ZNF268: variants seen among roughly 807,000 people sequenced by gnomAD.
ZNF268 encodes the protein zinc finger protein 268, also known as zinc finger protein 3.
A neutral mutation model predicts 29.3 loss-of-function variants in ZNF268; 20 were observed. The ratio of observed to expected loss-of-function variants is 0.68; its 90% CI spans 0.48 to 0.99. The LOEUF (loss-of-function observed/expected upper bound fraction) is 0.99. Among genes scored for constraint, ZNF268 ranks in the 50% least tolerant of loss-of-function variants. The pLI is 0.00. For missense variants in ZNF268, 1,240 were observed against 1,121.6 expected, an observed-to-expected ratio of 1.11 and a Z score of -1.51; for synonymous variants, 429 against 376.9, an observed-to-expected ratio of 1.14 and a Z score of -1.60.
chr12:133,194,956 G>C (rs1956560093), intron 5 of ZNF268, among the ~76,000 whole-genome samples: 1 of 66,272 alleles, frequency 1.5e-5, no homozygotes, highest in Admixed American at 1.3e-4. Flanking sequence ...CCCATTCAGA[G>C]TGGGGAGTAG....
rs1209804593 is a variant in ZNF268 at position 133,202,075 on chromosome 12, C to T, written c.458-69C>T. ...AACATGTGACTAATTGTTCTTATTTCATAGGCAACTTTCTAGTATACCGCA... is the reference window on the plus strand; with the variant it reads ...AACATGTGACTAATTGTTCTTATTTTATAGGCAACTTTCTAGTATACCGCA... On this transcript the variant is annotated intron_variant, in intron 5 of 5. Transcript: ENST00000536435. The T allele has an allele frequency of 1.0e-5, 13 of 1,300,786 alleles. No homozygotes were observed. In the Admixed American group the frequency reaches 3.3e-4, roughly 33 times the overall value. 80.6% of individuals were successfully genotyped at this position (1,300,786 alleles called of 1,614,324 possible). A position where few individuals can be genotyped will look rare whatever the true frequency, so the allele number is the denominator to read the frequency against.
rs927077382 is a variant in ZNF268 at position 133,213,481 on chromosome 12, C to G, written c.*8951C>G. ...GGAGGATCACTTGAGGTCAGGAGTGCGAGACCAGCCTGGTTAACTTGGTGA... is the reference window on the plus strand; with the variant it reads ...GGAGGATCACTTGAGGTCAGGAGTGGGAGACCAGCCTGGTTAACTTGGTGA... On this transcript the variant is annotated 3_prime_UTR_variant, in exon 6 of 6. Transcript: ENST00000536435. 2 of 142,286 alleles carry G rather than the reference C, an allele frequency of 1.4e-5. No homozygotes were observed. Among genetic ancestry groups the G allele is most frequent in the Non-Finnish European group, 3.0e-5 (2 of 65,904 alleles). The allele number at this position is 142,286 out of a possible 1,614,324, so 8.8% of individuals were successfully genotyped here. A position where few individuals can be genotyped will look rare whatever the true frequency, so the allele number is the denominator to read the frequency against.
Position 133,205,236 on chromosome 12 carries a change from A to G in ZNF268, c.*706A>G, listed in dbSNP as rs1351397851. 1 of 151,138 alleles carries G rather than the reference A, an allele frequency of 6.6e-6. No homozygotes were observed. Among genetic ancestry groups the G allele is most frequent in the East Asian group, 1.9e-4 (1 of 5,168 alleles). The allele number at this position is 151,138 out of a possible 1,614,324, so 9.4% of individuals were successfully genotyped here. ...ATTATTTCTTTTAGGAATCATTTTA[A>G]GAAATTTTATTCCAGGTGTTCCAAA... On this transcript the variant is annotated 3_prime_UTR_variant, in exon 6 of 6. Coordinates refer to ENST00000536435, the MANE Select transcript of ZNF268 (RefSeq NM_003415.3).
Position 133,197,490 on chromosome 12 carries a change from A to G in ZNF268, c.458-4654A>G, listed in dbSNP as rs971835835. Among the ~76,000 whole-genome samples the G allele has an allele frequency of 1.9e-3, 287 of 152,140 alleles. 2 individuals carry two copies. The highest frequency in any genetic ancestry group is 6.3e-3 in the African/African-American group (261 of 41,490). On this transcript the variant is annotated intron_variant, in intron 5 of 5. Transcript: ENST00000536435. ...CTTTGCTATTGTGAATAGTGCTGCA[A>G]TAAACATACGTGTGCATGTGTCTTT...
rs1472880161 is a variant in ZNF268 at position 133,212,434 on chromosome 12, C to T, written c.*7904C>T. The T allele has an allele frequency of 2.5e-5, 3 of 119,256 alleles. No individual in the cohort carries two copies. The highest frequency in any genetic ancestry group is 4.9e-4 in the East Asian group (2 of 4,050). The allele number at this position is 119,256 out of a possible 1,614,324, so 7.4% of individuals were successfully genotyped here. On this transcript the variant is annotated 3_prime_UTR_variant, in exon 6 of 6. Coordinates refer to ENST00000536435, the MANE Select transcript of ZNF268 (RefSeq NM_003415.3). ...CAGGATCAGTTCCAAGGGAGACTTT[C>T]ATGTGTGATTTTATATATATATATA...
intron 5 of ZNF268, among the ~76,000 whole-genome samples, chr12:133,195,789 C>T (rs1429794917): frequency 6.6e-6 from 1 of 151,808 alleles, no homozygotes; most frequent in East Asian, 2.0e-4. Flanking sequence ...GCGATCTCGA[C>T]TCACTGCAAC....
intron 5 of ZNF268, among the ~76,000 whole-genome samples, chr12:133,197,518 A>G (rs1186451296): frequency 1.3e-5 from 2 of 151,994 alleles, no homozygotes; most frequent in African/African-American, 4.8e-5. Flanking sequence ...GTGTCTTTAT[A>G]GCAGCATGAT....
chr12:133,205,842 T>C lies in ZNF268; in HGVS notation c.*1312T>C, dbSNP rs1956889522. 1 of 152,184 alleles carries C rather than the reference T, an allele frequency of 6.6e-6. No individual in the cohort carries two copies. The highest frequency in any genetic ancestry group is 2.4e-5 in the African/African-American group (1 of 41,442). The allele number at this position is 152,184 out of a possible 1,614,324, so 9.4% of individuals were successfully genotyped here. A position where few individuals can be genotyped will look rare whatever the true frequency, so the allele number is the denominator to read the frequency against. On this transcript the variant is annotated 3_prime_UTR_variant, in exon 6 of 6. Transcript: ENST00000536435. The stretch of plus-strand genomic sequence containing the variant: ...GGAACCACCATTCAAGATGCCCTGC[T>C]CAGGACTTGGCATGAGCACTATGGT...
chr12:133,190,074 C>CTA (rs1956428818), intron 3 of ZNF268, among the ~76,000 whole-genome samples: 2 of 152,292 alleles, frequency 1.3e-5, no homozygotes, highest in Non-Finnish European at 1.5e-5. Flanking sequence ...TCCCAAAGTG[C>CTA]TAGGGTTACA....
Position 133,191,500 on chromosome 12 carries a change from A to G in ZNF268, c.246A>G (p.Ser82=), listed in dbSNP as rs76162979. 9,103 of 1,613,968 alleles carry G rather than the reference A, an allele frequency of 5.6e-3. 428 individuals are homozygous for G. In the African/African-American group the frequency reaches 0.1, roughly 18 times the overall value. Residue 82 remains serine, a synonymous_variant, in exon 4 of 6, where the codon TCA becomes TCG. Coordinates refer to ENST00000536435, the MANE Select transcript of ZNF268 (RefSeq NM_003415.3). ...PKITKSWGPL[S]FMDVFVDFTW... is the part of the protein sequence containing the mutation. Reference sequence around the variant, plus strand: ...ATATTGTATTTCAGGGACCTTTGTCATTCATGGATGTGTTTGTGGATTTTA... The same window carrying G: ...ATATTGTATTTCAGGGACCTTTGTCGTTCATGGATGTGTTTGTGGATTTTA...
Position 133,191,985 on chromosome 12 carries a change from C to A in ZNF268, c.439C>A (p.Pro147Thr), listed in dbSNP as rs759145106. 1 of 1,613,078 alleles carries A rather than the reference C, an allele frequency of 6.2e-7. No individual in the cohort carries two copies. The highest frequency in any genetic ancestry group is 8.5e-7 in the Non-Finnish European group (1 of 1,179,226). The change falls in exon 5 of 6, where the codon CCA (proline) becomes ACA (threonine). Residue 147 changes from proline (P) to threonine (T), a missense_variant. By Grantham distance (38) the Pro-to-Thr change is conservative. Transcript: ENST00000536435. Reference sequence around the variant, plus strand: ...GCTGTGTATGGTGCAGGCCCAAGTTCCAAATCAGACCTGTCCAAGTGAGTG... The same window carrying A: ...GCTGTGTATGGTGCAGGCCCAAGTTACAAATCAGACCTGTCCAAGTGAGTG... ...EELCMVQAQV[P>T]NQTCPNTVWK...
Position 133,204,287 on chromosome 12 carries a change from T to C in ZNF268, c.2601T>C (p.Ser867=). 1.3e-6 allele frequency: 2 copies of C among 1,554,478 alleles called. No homozygotes were observed. The highest frequency in any genetic ancestry group is 1.7e-6 in the Non-Finnish European group (2 of 1,153,194). ...CAAGAGAGAAACCATATGAATGCAG[T>C]GAGTGTGGAAAAGCCTTCATTAGGA... ...MHTREKPYEC[S]ECGKAFIRNS... The change falls in exon 6 of 6, where the codon AGT becomes AGC. Residue 867 remains serine (S), a synonymous_variant. Coordinates refer to ENST00000536435, the MANE Select transcript of ZNF268 (RefSeq NM_003415.3).
At chr12:133,199,546 C>T (rs1193907022) in intron 5 of ZNF268, among the ~76,000 whole-genome samples, 3 of 151,712 alleles carry the variant, frequency 2.0e-5, no homozygotes, top group Non-Finnish European at 4.4e-5. Context: ...TGATGCTGGC[C>T]TCAGAAAATG....
At position 133,204,545 on chromosome 12, in the gene ZNF268, T is replaced by C. The variant is rs1230729392; in HGVS notation, c.*15T>C. On this transcript the variant is annotated 3_prime_UTR_variant, in exon 6 of 6. Transcript: ENST00000536435. The stretch of plus-strand genomic sequence containing the variant: ...ACAAACATTGATAATTTTACGAAAC[T>C]CTGAAAAGTGGATTCACAAGAGATA... 2 of 1,469,356 alleles carry C rather than the reference T, an allele frequency of 1.4e-6. No homozygotes were observed. The highest frequency in any genetic ancestry group is 2.5e-5 in the Admixed American group (1 of 39,880). The allele number at this position is 1,469,356 out of a possible 1,614,324, so 91.0% of individuals were successfully genotyped here.
chr12:133,211,311 G>A lies in ZNF268; in HGVS notation c.*6781G>A, dbSNP rs1199134957. 2.9e-6 allele frequency: 1 copy of A among 340,992 alleles called. No individual in the cohort carries two copies. Among genetic ancestry groups the A allele is most frequent in the Non-Finnish European group, 5.7e-6 (1 of 174,718 alleles). 21.1% of individuals were successfully genotyped at this position (340,992 alleles called of 1,614,324 possible). A position where few individuals can be genotyped will look rare whatever the true frequency, so the allele number is the denominator to read the frequency against. ...GATATACAGATGGTGGCCAGGCACG[G>A]TGGCTCACGCCTGTAATCCCAGCAC... On this transcript the variant is annotated 3_prime_UTR_variant, in exon 6 of 6. Transcript: ENST00000536435.
intron 2 of ZNF268, among the ~76,000 whole-genome samples, chr12:133,185,724 G>A (rs1196525261): frequency 1.3e-5 from 2 of 152,124 alleles, no homozygotes; most frequent in Non-Finnish European, 2.9e-5. Flanking sequence ...AGGTGGGCAA[G>A]AGTAGGCACA....
In ZNF268 at chr12:133,191,912, C is replaced by T. The variant is rs558224563; in HGVS notation, c.366C>T (p.Tyr122=). 6.2e-7 allele frequency: 1 copy of T among 1,613,868 alleles called. No individual in the cohort carries two copies. Among genetic ancestry groups the T allele is most frequent in the East Asian group, 2.2e-5 (1 of 44,874 alleles). ...CTGTGATTTTTCTATTTATAGGGTA[C>T]CAACACACCAAACCTGATATCATCT... ...ENYSNLVSLG[Y]QHTKPDIIFK... The change falls in exon 5 of 6, where the codon TAC becomes TAT. Residue 122 remains tyrosine (Y), a synonymous_variant. Coordinates refer to ENST00000536435, the MANE Select transcript of ZNF268 (RefSeq NM_003415.3).
intron 2 of ZNF268, among the ~76,000 whole-genome samples, chr12:133,186,492 G>A (rs1035399264): frequency 9.9e-5 from 15 of 151,184 alleles, no homozygotes; most frequent in African/African-American, 3.4e-4. Context: ...TCCTGCCTCA[G>A]CCTCCCAAGT....
Position 133,204,645 on chromosome 12 carries a change from G to T in ZNF268, c.*115G>T. On this transcript the variant is annotated 3_prime_UTR_variant, in exon 6 of 6. Coordinates refer to ENST00000536435, the MANE Select transcript of ZNF268 (RefSeq NM_003415.3). ...TCTTCCAGAAAACTCATACTGAATAGAAACTTTATGAATGCACAGCATATG... is the reference window on the plus strand; with the variant it reads ...TCTTCCAGAAAACTCATACTGAATATAAACTTTATGAATGCACAGCATATG... 1 of 776,448 alleles carries T rather than the reference G, an allele frequency of 1.3e-6. No homozygotes were observed. Among genetic ancestry groups the T allele is most frequent in the East Asian group, 2.7e-5 (1 of 36,678 alleles). 48.1% of individuals were successfully genotyped at this position (776,448 alleles called of 1,614,324 possible). A position where few individuals can be genotyped will look rare whatever the true frequency, so the allele number is the denominator to read the frequency against.
Sources: gnomAD v4.1 joint callset for allele counts (sites outside exome capture counted in the v4.1 genomes callset) on GRCh38, gnomAD v4.1.1 for gene constraint, MANE v1.5 for transcripts, NCBI Gene and HGNC (gene_info 2026-07-23, HGNC 2026-07-21) for gene names.